MYT1L: variants seen among roughly 807,000 people sequenced by gnomAD.
MYT1L encodes the protein myelin transcription factor 1-like protein.
In MYT1L, 12 loss-of-function variants were observed where a neutral mutation model predicts 126.7. That is an observed-to-expected ratio of 0.09 (90% CI 0.06 to 0.15). The LOEUF (loss-of-function observed/expected upper bound fraction) is 0.15, where lower values mean the gene tolerates loss of function less well. MYT1L is among the 10% of genes least tolerant of loss of function. The pLI, the probability that MYT1L is intolerant of heterozygous loss-of-function variation, is 1.00. For synonymous variants in MYT1L, 541 were observed against 604.2 expected (o/e 0.90, Z 1.53); for missense variants, 979 against 1,585.2 (o/e 0.62, Z 6.49).
chr2:2,003,113 C>T (rs1400084349), intron 4 of MYT1L, among the ~76,000 whole-genome samples: 1 of 152,164 alleles, frequency 6.6e-6, no homozygotes, highest in Non-Finnish European at 1.5e-5. Context: ...AAGCTTACAA[C>T]TGCTCCAAAA....
intron 3 of MYT1L, among the ~76,000 whole-genome samples, chr2:2,111,264 T>C (rs2079417363): frequency 6.6e-6 from 1 of 152,156 alleles, no homozygotes; most frequent in Non-Finnish European, 1.5e-5. Context: ...ACATTCATGG[T>C]CAAAGATGTC....
intron 3 of MYT1L, among the ~76,000 whole-genome samples, chr2:2,077,699 A>G (rs1251810187): frequency 6.6e-6 from 1 of 152,212 alleles, no homozygotes; most frequent in Admixed American, 6.5e-5. Context: ...AAGAGTTGAA[A>G]GACTATCAAT....
intron 2 of MYT1L, among the ~76,000 whole-genome samples, chr2:2,215,732 A>G (rs190250452): frequency 6.6e-6 from 1 of 152,284 alleles, no homozygotes; most frequent in East Asian, 1.9e-4. Flanking sequence ...AATTCATATT[A>G]TTTTCAAGTC....
chr2:2,102,900 C>T (rs553350621), intron 3 of MYT1L, among the ~76,000 whole-genome samples: 1 of 151,374 alleles, frequency 6.6e-6, no homozygotes, highest in Admixed American at 6.6e-5. Context: ...ATATAAGCAG[C>T]TTAAAAACAA....
chr2:2,092,566 G>A (rs983380738), intron 3 of MYT1L, among the ~76,000 whole-genome samples: 8 of 152,178 alleles, frequency 5.3e-5, no homozygotes, highest in Admixed American at 1.3e-4. Flanking sequence ...CTTGATTGAC[G>A]CAGGGTTGTC....
chr2:2,044,805 C>T (rs559213177), intron 4 of MYT1L, among the ~76,000 whole-genome samples: 23 of 152,166 alleles, frequency 1.5e-4, no homozygotes, highest in Admixed American at 7.9e-4. Flanking sequence ...TAATTCAGCT[C>T]ACAACAAGGA....
At chr2:2,287,109 A>C (rs1016729683) in intron 1 of MYT1L, among the ~76,000 whole-genome samples, 1 of 152,134 alleles carries the variant, frequency 6.6e-6, no homozygotes, top group African/African-American at 2.4e-5. Context: ...ATAGAAAATT[A>C]GCCAGGCGTG....
At chr2:2,252,562 A>T (rs539763812) in intron 2 of MYT1L, among the ~76,000 whole-genome samples, 1 of 152,320 alleles carries the variant, frequency 6.6e-6, no homozygotes, top group East Asian at 1.9e-4. Flanking sequence ...TAATTCTATA[A>T]CAGATTTCTA....
At position 1,881,886 on chromosome 2, in the gene MYT1L, T is replaced by G. The variant is rs1276898869; in HGVS notation, c.2711+4653A>C. On this transcript the variant is annotated intron_variant, in intron 18 of 24. Transcript: ENST00000647738. Reference sequence around the variant, plus strand: ...CACTGAAGGTGGTGTTATTAATGATTGAGGAGCAGGCATGAAGCGTGGGGA... The same window carrying G: ...CACTGAAGGTGGTGTTATTAATGATGGAGGAGCAGGCATGAAGCGTGGGGA... Among the ~76,000 whole-genome samples, 4 of 152,322 alleles carry G rather than the reference T, an allele frequency of 2.6e-5. No homozygotes were observed. The East Asian group carries it at 5.8e-4, about 22-fold the overall frequency.
rs191441398 is a variant in MYT1L at position 1,900,404 on chromosome 2, A to G, written c.2032+2676T>C. ...AAGCTCCGCCTCCCGGGTTCATGCC[A>G]TTCTCCTGCCTCAGCCTCCTGAGCA... On this transcript the variant is annotated intron_variant, in intron 14 of 24. Coordinates refer to ENST00000647738, the MANE Select transcript of MYT1L (RefSeq NM_001303052.2). Among the ~76,000 whole-genome samples the G allele has an allele frequency of 1.7e-3, 251 of 151,702 alleles. 1 individual carries two copies. Among genetic ancestry groups the G allele is most frequent in the African/African-American group, 5.8e-3 (241 of 41,334 alleles).
chr2:2,295,739 GAC>G lies in MYT1L; in HGVS notation c.-520-11238_-520-11237del, dbSNP rs2095678093. Among the ~76,000 whole-genome samples the G allele has an allele frequency of 9.7e-5, 14 of 144,692 alleles. 1 individual carries two copies. The highest frequency in any genetic ancestry group is 2.1e-4 in the East Asian group (1 of 4,842). The allele number at this position is 144,692 out of a possible 152,430, so 94.9% of individuals were successfully genotyped here. A position where few individuals can be genotyped will look rare whatever the true frequency, so the allele number is the denominator to read the frequency against. On this transcript the variant is annotated intron_variant, in intron 1 of 24. Coordinates refer to ENST00000647738, the MANE Select transcript of MYT1L (RefSeq NM_001303052.2). ...AGAGAGAGAGATAGAGAGACAGACA[GAC>G]AGAGAGAGAGAGACAGACAGACAGA...
intron 1 of MYT1L, among the ~76,000 whole-genome samples, chr2:2,330,213 G>A (rs1046865996): frequency 2.0e-5 from 3 of 151,894 alleles, no homozygotes; most frequent in African/African-American, 7.3e-5. Flanking sequence ...ATATAAAATA[G>A]TTTTACTCTA....
intron 4 of MYT1L, among the ~76,000 whole-genome samples, chr2:2,020,603 C>T (rs1027041789): frequency 6.6e-6 from 1 of 152,182 alleles, no homozygotes; most frequent in Non-Finnish European, 1.5e-5. Context: ...TGTTTATATG[C>T]ACTCTGCATA....
At chr2:2,125,634 A>G (rs1435080687) in intron 3 of MYT1L, among the ~76,000 whole-genome samples, 1 of 152,188 alleles carries the variant, frequency 6.6e-6, no homozygotes, top group African/African-American at 2.4e-5. Flanking sequence ...AAAAAGGCAA[A>G]TTAGGGAGTA....
chr2:2,156,010 C>CA (rs2086665511), intron 3 of MYT1L, among the ~76,000 whole-genome samples: 1 of 151,976 alleles, frequency 6.6e-6, no homozygotes, highest in Non-Finnish European at 1.5e-5. Context: ...CCCATAGTGA[C>CA]AAAAAATCAC....
At position 1,979,518 on chromosome 2, in the gene MYT1L, A is replaced by G; in HGVS notation, c.89+3T>C. On this transcript the variant is annotated splice_donor_region_variant and intron_variant, in intron 7 of 24. Coordinates refer to ENST00000647738, the MANE Select transcript of MYT1L (RefSeq NM_001303052.2). The surrounding 1 kb of genome is among the most constrained non-coding windows in gnomAD (Gnocchi z 4.0). ...GGATGCATTTTACCCACATGGCACT[A>G]ACCTGAACAGCTCTTGTATGGCTGG... is the stretch of plus-strand genomic sequence containing the variant. The G allele has an allele frequency of 6.2e-7, 1 of 1,613,574 alleles. No homozygotes were observed. Among genetic ancestry groups the G allele is most frequent in the Non-Finnish European group, 8.5e-7 (1 of 1,179,492 alleles).
At chr2:1,815,362 C>T (rs2037460017) in intron 21 of MYT1L, among the ~76,000 whole-genome samples, 1 of 152,194 alleles carries the variant, frequency 6.6e-6, no homozygotes. Context: ...GGGTCCCTCC[C>T]TGCTCCCACT....
intron 2 of MYT1L, among the ~76,000 whole-genome samples, chr2:2,210,349 T>C (rs1242214093): frequency 6.6e-6 from 1 of 152,236 alleles, no homozygotes; most frequent in Non-Finnish European, 1.5e-5. Context: ...ATTTCCCCAA[T>C]GCTTTCTTGT....
intron 1 of MYT1L, among the ~76,000 whole-genome samples, chr2:2,313,955 G>A (rs1314753476): frequency 6.6e-6 from 1 of 152,006 alleles, no homozygotes; most frequent in South Asian, 2.1e-4. Flanking sequence ...GAAGAAGAAA[G>A]AAAAAAGTTC....
Sources: gnomAD v4.1 joint callset for allele counts (sites outside exome capture counted in the v4.1 genomes callset) on GRCh38, gnomAD v4.1.1 for gene constraint, Gnocchi (gnomAD v3.1) non-coding constraint, MANE v1.5 for transcripts, NCBI Gene and HGNC (gene_info 2026-07-23, HGNC 2026-07-21) for gene names.